Variants in ZNF273 observed in about 807,000 individuals in gnomAD.
The protein encoded by ZNF273 is zinc finger protein 273, also known as zinc finger protein 9.
ZNF273 carries 11 observed loss-of-function variants against 14.9 expected under a neutral mutation model. That is an observed-to-expected ratio of 0.74 (90% CI 0.46 to 1.22). The LOEUF (loss-of-function observed/expected upper bound fraction) is 1.22. Ranked by LOEUF, ZNF273 falls within the 50% of genes most tolerant of loss-of-function variation. The pLI, the probability that ZNF273 is intolerant of heterozygous loss-of-function variation, is 0.00. For synonymous variants in ZNF273, 199 were observed against 223.9 expected, an observed-to-expected ratio of 0.89 and a Z score of 0.99; for missense variants, 577 against 660.6, an observed-to-expected ratio of 0.87 and a Z score of 1.39.
rs559652269 is a variant in ZNF273, at chr7:64,878,861, T to G, written n.330+366T>G. ...TGGTCTGGCTCAAAATCTTCCACAG[T>G]AAACATTTCCAGGTCACAGAGGATG... On this transcript the variant is annotated intron_variant and non_coding_transcript_variant, in intron 2 of 2. Coordinates refer to the ZNF273 transcript ENST00000465954. 6.6e-5 allele frequency among the ~76,000 whole-genome samples: 10 copies of G among 152,348 alleles called. No individual in the cohort carries two copies. In the South Asian group the frequency reaches 1.4e-3, roughly 22 times the overall value.
In ZNF273 at chr7:64,903,401, C is replaced by T. The variant is rs372606222; in HGVS notation, c.84C>T (p.Leu28=). The change falls in exon 1 of 4, where the codon CTC becomes CTT. Residue 28 remains leucine (L), a synonymous_variant. Coordinates refer to ENST00000476120, the MANE Select transcript of ZNF273 (RefSeq NM_021148.3). The part of the protein sequence containing the change: ...IGRSTAKTPG[L]PGSLEMGPLT... ...GATCCACAGCTAAGACGCCAGGACT[C>T]CCTGGAAGCCTAGAAATGGTGAGAG... is the stretch of plus-strand genomic sequence containing the variant. The T allele has an allele frequency of 1.9e-6, 3 of 1,613,072 alleles. No homozygotes were observed. The African/African-American group carries it at 4.0e-5, about 22-fold the overall frequency.
chr7:64,889,543 T>C (rs1203114145), downstream of ZNF273: 4 of 985,702 alleles, frequency 4.1e-6, no homozygotes, highest in Non-Finnish European at 4.8e-6. This position sits in a 1 kb window ranked among gnomAD's most constrained non-coding sequence, Gnocchi z 4.2. Flanking sequence ...CACGCGGTCC[T>C]CTACGGTCTC....
At position 64,914,180 on chromosome 7, in the gene ZNF273, G is replaced by GTT. The variant is rs1793773323; in HGVS notation, c.103-3400_103-3399insTT. ...GCACCACTACGTCCTGGTAATTTTT[G>GTT]TATTTTTTTTTTTTTTTTTTTTTTT... On this transcript the variant is annotated intron_variant, in intron 1 of 3. Transcript: ENST00000476120. Among the ~76,000 whole-genome samples the GTT allele has an allele frequency of 8.1e-4, 51 of 63,064 alleles. 5 individuals are homozygous for GTT. The highest frequency in any genetic ancestry group is 2.2e-3 in the African/African-American group (34 of 15,446). 41.4% of individuals were successfully genotyped at this position (63,064 alleles called of 152,430 possible).
intron 1 of ZNF273, among the ~76,000 whole-genome samples, chr7:64,904,746 T>A (rs969461233): frequency 2.6e-5 from 4 of 152,172 alleles, no homozygotes; most frequent in Non-Finnish European, 5.9e-5. Context: ...TGAAAATATT[T>A]CCCAGGAGAA....
chr7:64,907,640 G>C (rs555318312), intron 1 of ZNF273, among the ~76,000 whole-genome samples: 29 of 152,268 alleles, frequency 1.9e-4, no homozygotes, highest in African/African-American at 6.3e-4. Flanking sequence ...GGTGGTGTCA[G>C]AATTCAAATG....
At chr7:64,935,886 A>G (rs1375286945), downstream of ZNF273, among the ~76,000 whole-genome samples, 7 of 152,202 alleles carry the variant, frequency 4.6e-5, no homozygotes, top group Non-Finnish European at 8.8e-5. Flanking sequence ...ATGGGATAAA[A>G]TTAATCAAAA....
At chr7:64,920,128 G>C (rs1223757478) in intron 3 of ZNF273, among the ~76,000 whole-genome samples, 1 of 152,148 alleles carries the variant, frequency 6.6e-6, no homozygotes, top group African/African-American at 2.4e-5. Context: ...GTGGAGAGGG[G>C]TTGTAGCTTG....
At chr7:64,911,830 C>T (rs1736011049) in intron 1 of ZNF273, among the ~76,000 whole-genome samples, 1 of 152,052 alleles carries the variant, frequency 6.6e-6, no homozygotes, top group Admixed American at 6.6e-5. Context: ...GTTGTTAAAT[C>T]GAGATCTTTC....
rs1397977649 is a variant in ZNF273 at position 64,903,300 on chromosome 7, T to C, written c.-18T>C. 1 of 1,595,834 alleles carries C rather than the reference T, an allele frequency of 6.3e-7. No individual in the cohort carries two copies. The highest frequency in any genetic ancestry group is 8.6e-7 in the Non-Finnish European group (1 of 1,165,224). ...CTCTCGCTGCAGTCGCAGCTCCAGG[T>C]CTCGTCTTCACTGCTCTATGTCCTC... is the stretch of plus-strand genomic sequence containing the variant. On this transcript the variant is annotated 5_prime_UTR_variant, in exon 1 of 4. Transcript: ENST00000476120.
At chr7:64,884,250 G>C (rs552930941), downstream of ZNF273, among the ~76,000 whole-genome samples, 7 of 152,168 alleles carry the variant, frequency 4.6e-5, no homozygotes, top group African/African-American at 1.7e-4. Flanking sequence ...TCTCATTTTG[G>C]GGGGCCGGAT....
At chr7:64,889,526 C>T (rs566139621), downstream of ZNF273, 6 of 985,836 alleles carry the variant, frequency 6.1e-6, no homozygotes, top group African/African-American at 1.0e-4. This position sits in a 1 kb window ranked among gnomAD's most constrained non-coding sequence, Gnocchi z 4.2. Flanking sequence ...CTGGCAGCTC[C>T]TGGTGCCACG....
intron 1 of ZNF273, among the ~76,000 whole-genome samples, chr7:64,907,013 A>G (rs1793159021): frequency 6.6e-6 from 1 of 152,168 alleles, no homozygotes; most frequent in Admixed American, 6.5e-5. Context: ...TGAAGTCAGC[A>G]TGTTCTTAGC....
rs1398370828 is a variant in ZNF273 at position 64,929,041 on chromosome 7, A to G, written c.*3A>G. On this transcript the variant is annotated 3_prime_UTR_variant, in exon 4 of 4. Transcript: ENST00000476120. ...ATCATATGGGTGAGAAATCCTAGAA[A>G]TGTGAAGAATGTGACAAAGCCTTTA... is the stretch of plus-strand genomic sequence containing the variant. The G allele has an allele frequency of 6.7e-7, 1 of 1,488,340 alleles. No homozygotes were observed. The highest frequency in any genetic ancestry group is 1.5e-5 in the African/African-American group (1 of 64,608). The allele number at this position is 1,488,340 out of a possible 1,614,324, so 92.2% of individuals were successfully genotyped here.
intron 1 of ZNF273, among the ~76,000 whole-genome samples, chr7:64,905,432 T>G (rs903254326): frequency 4.7e-5 from 7 of 149,530 alleles, no homozygotes; most frequent in African/African-American, 1.7e-4. Flanking sequence ...TTTTTTTTTT[T>G]TTTTTTTTTT....
At chr7:64,891,349 T>A (rs146449639), downstream of ZNF273, among the ~76,000 whole-genome samples, 109 of 152,354 alleles carry the variant, frequency 7.2e-4, no homozygotes, top group Non-Finnish European at 1.3e-3. Flanking sequence ...TGAGTTTTCC[T>A]TGGTCTATGG....
chr7:64,880,966 A>C (rs1223924035), downstream of ZNF273, among the ~76,000 whole-genome samples: 2 of 152,094 alleles, frequency 1.3e-5, no homozygotes, highest in Non-Finnish European at 2.9e-5. Flanking sequence ...TGTGAGCTGC[A>C]GTTAGGTCAG....
downstream of ZNF273, among the ~76,000 whole-genome samples, chr7:64,894,175 T>C (rs1191423896): frequency 6.6e-6 from 1 of 152,130 alleles, no homozygotes; most frequent in African/African-American, 2.4e-5. Flanking sequence ...TGGCTACTTT[T>C]TGTATTTTTA....
rs564743609 is a variant in ZNF273 at position 64,915,316 on chromosome 7, A to G, written c.103-2265A>G. The stretch of plus-strand genomic sequence containing the variant: ...TAACCCAGCGGCGCTAGAGGAATTA[A>G]AGACACACACAGAAATATAGAGGTG... On this transcript the variant is annotated intron_variant, in intron 1 of 3. Coordinates refer to ENST00000476120, the MANE Select transcript of ZNF273 (RefSeq NM_021148.3). Among the ~76,000 whole-genome samples the G allele has an allele frequency of 2.7e-5, 4 of 148,046 alleles. No homozygotes were observed. The East Asian group carries it at 8.2e-4, about 30-fold the overall frequency.
At chr7:64,880,488 C>T (rs1314855582), downstream of ZNF273, among the ~76,000 whole-genome samples, 1 of 151,944 alleles carries the variant, frequency 6.6e-6, no homozygotes, top group Non-Finnish European at 1.5e-5. Flanking sequence ...TGTTGGCTGC[C>T]CGCGTGTGAT....
Sources: gnomAD v4.1 joint callset for allele counts (sites outside exome capture counted in the v4.1 genomes callset) on GRCh38, gnomAD v4.1.1 for gene constraint, Gnocchi (gnomAD v3.1) non-coding constraint, MANE v1.5 for transcripts, NCBI Gene and HGNC (gene_info 2026-07-23, HGNC 2026-07-21) for gene names.